The following PHC3 variants were observed in gnomAD, a reference collection of about 807,000 sequenced individuals.
The protein encoded by PHC3 is polyhomeotic homolog 3.
Under a neutral mutation model 107.4 loss-of-function variants are expected in PHC3, and 13 were observed. The observed-to-expected ratio is 0.12, with a 90% CI of 0.08 to 0.19. PHC3 has a LOEUF of 0.19. Among genes scored for constraint, PHC3 ranks in the 10% least tolerant of loss-of-function variants. The pLI is 1.00. For synonymous variants in PHC3, 456 were observed against 427.4 expected (o/e 1.07, Z -0.83); for missense variants, 992 against 1,210.9 (o/e 0.82, Z 2.68).
At chr3:170,175,200 G>C (rs1730228034) in intron 2 of PHC3, among the ~76,000 whole-genome samples, 1 of 152,128 alleles carries the variant, frequency 6.6e-6, no homozygotes, top group South Asian at 2.1e-4. Flanking sequence ...ATATTGATTT[G>C]ATTTCATTTT....
In PHC3 at chr3:170,092,524, G is replaced by A. The variant is rs1398607980; in HGVS notation, c.*4706C>T. Reference sequence around the variant, plus strand: ...CTGTGAACCAAAGAAGCAGAGGTAGGCTTGTGTTTACTGAAATCCAGACTA... The same window carrying A: ...CTGTGAACCAAAGAAGCAGAGGTAGACTTGTGTTTACTGAAATCCAGACTA... On this transcript the variant is annotated 3_prime_UTR_variant, in exon 15 of 15. Transcript: ENST00000495893. 2.6e-5 allele frequency: 4 copies of A among 152,014 alleles called. No individual in the cohort carries two copies. Among genetic ancestry groups the A allele is most frequent in the African/African-American group, 9.7e-5 (4 of 41,302 alleles). 9.4% of individuals were successfully genotyped at this position (152,014 alleles called of 1,614,324 possible).
Position 170,094,894 on chromosome 3 carries a change from G to T in PHC3, c.*2336C>A, listed in dbSNP as rs1159087333. Reference sequence around the variant, plus strand: ...ACAGAATGGCTGCTATTAGGAAAGAGAACAAATAAAAGGAGAGCCTACAAC... The same window carrying T: ...ACAGAATGGCTGCTATTAGGAAAGATAACAAATAAAAGGAGAGCCTACAAC... On this transcript the variant is annotated 3_prime_UTR_variant, in exon 15 of 15. Transcript: ENST00000495893. 1 of 152,020 alleles carries T rather than the reference G, an allele frequency of 6.6e-6. No homozygotes were observed. The highest frequency in any genetic ancestry group is 2.4e-5 in the African/African-American group (1 of 41,402). 9.4% of individuals were successfully genotyped at this position (152,020 alleles called of 1,614,324 possible).
intron 7 of PHC3, among the ~76,000 whole-genome samples, chr3:170,135,718 T>G (rs1722966176): frequency 2.6e-5 from 4 of 151,086 alleles, no homozygotes; most frequent in African/African-American, 9.7e-5. Flanking sequence ...CAAATGGTGC[T>G]AAGTTTAAGA....
intron 6 of PHC3, among the ~76,000 whole-genome samples, chr3:170,144,497 A>C (rs184157791): frequency 6.6e-6 from 1 of 152,276 alleles, no homozygotes; most frequent in Admixed American, 6.5e-5. Context: ...GGTAAACATA[A>C]GGAGTAGAAC....
chr3:170,112,787 G>C (rs938259821), intron 11 of PHC3, among the ~76,000 whole-genome samples: 5 of 152,180 alleles, frequency 3.3e-5, no homozygotes, highest in Non-Finnish European at 7.3e-5. Context: ...GCCTCCCGAA[G>C]TGTTGGGATT....
chr3:170,128,758 G>T lies in PHC3; in HGVS notation c.1714C>A (p.Gln572Lys), dbSNP rs774082320. 1 of 1,614,008 alleles carries T rather than the reference G, an allele frequency of 6.2e-7. No homozygotes were observed. The change falls in exon 8 of 15, where the codon CAG becomes AAG. Residue 572 changes from glutamine to lysine, a missense_variant. By Grantham distance (53) the Gln-to-Lys change is moderately conservative. Coordinates refer to ENST00000495893, the MANE Select transcript of PHC3 (RefSeq NM_024947.4). ...ACAGTCTGTGGAGGAGGAAGAGTCT[G>T]AAATGGCAACTGGACCAAAGCTTCT... ...AAEALVQLPF[Q>K]TLPPPQTVAV...
chr3:170,147,002 C>T (rs1263903335), intron 5 of PHC3, among the ~76,000 whole-genome samples: 1 of 150,970 alleles, frequency 6.6e-6, no homozygotes, highest in Non-Finnish European at 1.5e-5. Context: ...CCTGCATTAG[C>T]CTCCCGAGCA....
intron 2 of PHC3, among the ~76,000 whole-genome samples, chr3:170,178,475 T>C (rs1577299245): frequency 6.6e-6 from 1 of 152,202 alleles, no homozygotes; most frequent in African/African-American, 2.4e-5. Context: ...AAATTTGGTA[T>C]CTTGCTCTCT....
chr3:170,097,085 A>G lies in PHC3; in HGVS notation c.*145T>C, dbSNP rs1250624679. 4.8e-6 allele frequency: 3 copies of G among 623,662 alleles called. No homozygotes were observed. In the Admixed American group the frequency reaches 8.3e-5, roughly 17 times the overall value. The allele number at this position is 623,662 out of a possible 1,614,324, so 38.6% of individuals were successfully genotyped here. On this transcript the variant is annotated 3_prime_UTR_variant, in exon 15 of 15. Coordinates refer to ENST00000495893, the MANE Select transcript of PHC3 (RefSeq NM_024947.4). This position sits in a 1 kb window ranked among gnomAD's most constrained non-coding sequence, Gnocchi z 4.1. The stretch of plus-strand genomic sequence containing the variant: ...TGATGAATTATTATACCTGTAGAAG[A>G]AATGTCAGTATTTGATGTGGAGATC...
chr3:170,174,974 CA>C (rs1730191138), intron 2 of PHC3, among the ~76,000 whole-genome samples: 1 of 152,180 alleles, frequency 6.6e-6, no homozygotes. Flanking sequence ...ATCTATTTGA[CA>C]CATACTTTTG....
At chr3:170,169,822 GA>G (rs1389140122) in intron 4 of PHC3, 7 of 152,026 alleles carry the variant, frequency 4.6e-5, no homozygotes, top group Non-Finnish European at 8.8e-5. Context: ...ACAGAATAAA[GA>G]ATTTGTCTAT....
chr3:170,176,139 T>C (rs2108777584), intron 2 of PHC3, among the ~76,000 whole-genome samples: 1 of 147,110 alleles, frequency 6.8e-6, no homozygotes, highest in East Asian at 2.0e-4. Context: ...AGCAGGAGAA[T>C]CGCTTGAACC....
At chr3:170,117,948 G>A (rs1298338966) in intron 9 of PHC3, among the ~76,000 whole-genome samples, 1 of 152,158 alleles carries the variant, frequency 6.6e-6, no homozygotes, top group Non-Finnish European at 1.5e-5. Context: ...AGGAGGCGGA[G>A]GCTGCAGTGA....
Position 170,102,453 on chromosome 3 carries a change from T to C in PHC3, c.2833+26A>G, listed in dbSNP as rs756090094. On this transcript the variant is annotated intron_variant, in intron 14 of 14. Transcript: ENST00000495893. ...GTGTGTGAATGCACAAGAAAAATATTAAGGCCAAAGTGATGAATTACATAC... is the reference window on the plus strand; with the variant it reads ...GTGTGTGAATGCACAAGAAAAATATCAAGGCCAAAGTGATGAATTACATAC... 20 of 1,603,726 alleles carry C rather than the reference T, an allele frequency of 1.2e-5. No individual in the cohort carries two copies. In the South Asian group the frequency reaches 2.1e-4, roughly 17 times the overall value.
chr3:170,147,863 C>T (rs568346021), intron 5 of PHC3: 1 of 152,300 alleles, frequency 6.6e-6, no homozygotes, highest in Admixed American at 6.5e-5. Context: ...CCGTATGAAA[C>T]TGCTAATTTT....
At chr3:170,107,528 G>A (rs574463533) in intron 11 of PHC3, among the ~76,000 whole-genome samples, 5 of 152,278 alleles carry the variant, frequency 3.3e-5, no homozygotes, top group South Asian at 4.1e-4. Flanking sequence ...AGAATCGTTT[G>A]AGACAAGGAG....
At chr3:170,106,740 T>C (rs906357628) in intron 12 of PHC3, 92 bp downstream of exon 12, 113 of 645,300 alleles carry the variant, frequency 1.8e-4, no homozygotes, top group Middle Eastern at 1.0e-3. Context: ...AAAATATCTA[T>C]AGTTATCCTT....
chr3:170,178,140 A>ATTTTT (rs1205857388), intron 2 of PHC3, among the ~76,000 whole-genome samples: 1 of 137,586 alleles, frequency 7.3e-6, no homozygotes, highest in Admixed American at 7.3e-5. Context: ...CTAAAGGAAA[A>ATTTTT]TTTTTTTTTT....
Position 170,117,286 on chromosome 3 carries a change from T to C in PHC3, c.2133A>G (p.Pro711=), listed in dbSNP as rs373130307. The change falls in exon 10 of 15, where the codon CCA becomes CCG. Residue 711 remains proline (P), a synonymous_variant. Transcript: ENST00000495893. The part of the protein sequence containing the change: ...ENKPPQAIVK[P]QILTHVIEGF... ...CTTCAATAACATGGGTTAGGATCTG[T>C]GGTTTAACAATAGCCTGTGGAGGTT... The C allele has an allele frequency of 2.5e-6, 4 of 1,613,870 alleles. No homozygotes were observed. The highest frequency in any genetic ancestry group is 2.5e-6 in the Non-Finnish European group (3 of 1,179,880).
Sources: gnomAD v4.1 joint callset for allele counts (sites outside exome capture counted in the v4.1 genomes callset) on GRCh38, gnomAD v4.1.1 for gene constraint, Gnocchi (gnomAD v3.1) non-coding constraint, MANE v1.5 for transcripts, NCBI Gene and HGNC (gene_info 2026-07-23, HGNC 2026-07-21) for gene names.